WAC: variants seen among roughly 807,000 people sequenced by gnomAD.
WAC encodes the protein WW domain-containing adapter protein with coiled-coil.
Under a neutral mutation model 79.6 loss-of-function variants are expected in WAC, and 11 were observed. The observed-to-expected ratio is 0.14, with a 90% CI of 0.09 to 0.23. The LOEUF (loss-of-function observed/expected upper bound fraction) is 0.23. Ranked by LOEUF, WAC falls within the 10% of genes least tolerant of loss-of-function variation. The pLI, the probability that WAC is intolerant of heterozygous loss-of-function variation, is 1.00. For missense variants in WAC, 728 were observed against 773.5 expected, an observed-to-expected ratio of 0.94 and a Z score of 0.70; for synonymous variants, 304 against 276.9, an observed-to-expected ratio of 1.10 and a Z score of -0.97.
At chr10:28,551,901 T>A (rs989269757) in intron 3 of WAC, among the ~76,000 whole-genome samples, 10 of 148,132 alleles carry the variant, frequency 6.8e-5, no homozygotes, top group Non-Finnish European at 1.2e-4. Flanking sequence ...CTCGGCTCAC[T>A]GCAACCTTTG....
At chr10:28,551,562 A>G (rs1304320379) in intron 3 of WAC, among the ~76,000 whole-genome samples, 3 of 152,130 alleles carry the variant, frequency 2.0e-5, no homozygotes, top group African/African-American at 7.2e-5. Flanking sequence ...CTTCAGTCCT[A>G]TCTTATTTTT....
At chr10:28,535,536 T>C (rs770000083) in intron 2 of WAC, 26 bp from the exon 3 acceptor site, 3 of 1,530,210 alleles carry the variant, frequency 2.0e-6, no homozygotes, top group African/African-American at 1.4e-5. Context: ...CTTTCTCTCT[T>C]TTTTTGGGGG....
rs918255446 is a variant in WAC at position 28,563,725 on chromosome 10, G to T, written c.275-19674G>T. Among the ~76,000 whole-genome samples the T allele has an allele frequency of 8.0e-5, 11 of 137,290 alleles. No individual in the cohort carries two copies. In the Admixed American group the frequency reaches 8.6e-4, roughly 11 times the overall value. 90.1% of individuals were successfully genotyped at this position (137,290 alleles called of 152,430 possible). On this transcript the variant is annotated intron_variant, in intron 3 of 13. Coordinates refer to ENST00000354911, the MANE Select transcript of WAC (RefSeq NM_016628.5). ...CTCCTGAGTAGCTGGGACTACAAGTGCATGCTGCCTACACCCAGCTTTTTT... is the reference window on the plus strand; with the variant it reads ...CTCCTGAGTAGCTGGGACTACAAGTTCATGCTGCCTACACCCAGCTTTTTT...
At chr10:28,605,641 GTTAATGATGATGTGTATTTTTT>G (rs978583629) in intron 7 of WAC, among the ~76,000 whole-genome samples, 2 of 152,090 alleles carry the variant, frequency 1.3e-5, no homozygotes, top group Non-Finnish European at 2.9e-5. Context: ...GTTATTTTTT[GTTAATGATGATGTGTATTTTTT>G]TTATTTTGGA....
intron 3 of WAC, among the ~76,000 whole-genome samples, chr10:28,550,678 A>G (rs1391813233): frequency 6.6e-6 from 1 of 152,230 alleles, no homozygotes; most frequent in African/African-American, 2.4e-5. Context: ...AGTGCATTTA[A>G]GAGTAAAATC....
At chr10:28,537,925 C>A (rs1216661222) in intron 3 of WAC, among the ~76,000 whole-genome samples, 2 of 152,118 alleles carry the variant, frequency 1.3e-5, no homozygotes, top group Non-Finnish European at 2.9e-5. Flanking sequence ...CTAAGTTAGG[C>A]CCCACTTTCC....
At chr10:28,575,545 T>C (rs143271400) in intron 3 of WAC, among the ~76,000 whole-genome samples, 4 of 152,378 alleles carry the variant, frequency 2.6e-5, no homozygotes, top group African/African-American at 7.2e-5. Flanking sequence ...TGAAGTGTTA[T>C]TTCCCTGCAG....
chr10:28,590,452 C>T (rs1352796429), intron 5 of WAC, among the ~76,000 whole-genome samples: 6 of 152,046 alleles, frequency 3.9e-5, no homozygotes, highest in Admixed American at 6.5e-5. Flanking sequence ...TTAATAAGGC[C>T]GTAATGTTTC....
intron 3 of WAC, among the ~76,000 whole-genome samples, chr10:28,550,909 A>C (rs1837631360): frequency 6.6e-6 from 1 of 152,240 alleles, no homozygotes; most frequent in Non-Finnish European, 1.5e-5. Context: ...CCGTTGCATT[A>C]GTATAATCCT....
At chr10:28,614,871 T>C (rs1841408574) in intron 11 of WAC, 186 bp downstream of exon 11, 1 of 430,410 alleles carries the variant, frequency 2.3e-6, no homozygotes, top group African/African-American at 2.0e-5. Context: ...TTGTCTCTAG[T>C]AGTGAAGCCC....
At chr10:28,549,013 C>T (rs1017437572) in intron 3 of WAC, among the ~76,000 whole-genome samples, 5 of 152,184 alleles carry the variant, frequency 3.3e-5, no homozygotes, top group Non-Finnish European at 7.3e-5. Context: ...ATCCTCTTGC[C>T]ACAACCTCCC....
chr10:28,604,149 T>C (rs1202275881), intron 7 of WAC, among the ~76,000 whole-genome samples: 16 of 151,402 alleles, frequency 1.1e-4, no homozygotes, highest in African/African-American at 3.6e-4. Context: ...CTTAGCTTTA[T>C]GAATATAGCA....
intron 3 of WAC, among the ~76,000 whole-genome samples, chr10:28,569,971 C>T (rs149198342): frequency 0.012 from 1,841 of 152,228 alleles, 39 homozygotes; most frequent in African/African-American, 0.042. Context: ...CAAAAATGCA[C>T]CTCTGGTTGT....
intron 2 of WAC, among the ~76,000 whole-genome samples, chr10:28,535,061 G>A (rs1836561617): frequency 6.6e-6 from 1 of 151,280 alleles, no homozygotes; most frequent in South Asian, 2.1e-4. Flanking sequence ...GGAGAGTAAG[G>A]AAGTTAGGTC....
chr10:28,616,750 C>A (rs1409110724), intron 12 of WAC, among the ~76,000 whole-genome samples: 1 of 152,208 alleles, frequency 6.6e-6, no homozygotes, highest in Non-Finnish European at 1.5e-5. Context: ...TTTTTCCACT[C>A]AGCTTCTCTG....
chr10:28,536,245 TA>T (rs5784067), intron 3 of WAC, among the ~76,000 whole-genome samples: 115,937 of 142,514 alleles, frequency 0.81, 46,924 homozygotes, highest in East Asian at 0.93. Flanking sequence ...GAGACTCCAT[TA>T]AAAAAAAAAA....
chr10:28,575,826 C>T lies in WAC; in HGVS notation c.275-7573C>T, dbSNP rs117126420. On this transcript the variant is annotated intron_variant, in intron 3 of 13. Transcript: ENST00000354911. The stretch of plus-strand genomic sequence containing the variant: ...AGTTTCATTCTTTTGCACGTGCCGC[C>T]TCCCATTTTAAAACTCTCCTGTCGC... Among the ~76,000 whole-genome samples, 50 of 152,292 alleles carry T rather than the reference C, an allele frequency of 3.3e-4. No homozygotes were observed. In the East Asian group the frequency reaches 9.1e-3, roughly 28 times the overall value.
chr10:28,590,969 T>C, intron 6 of WAC, 137 bp downstream of exon 6: 2 of 766,976 alleles, frequency 2.6e-6, no homozygotes, highest in Non-Finnish European at 4.3e-6. Flanking sequence ...GTTGGATTTA[T>C]TATACCCTCC....
chr10:28,577,489 T>C (rs1243322745), intron 3 of WAC, among the ~76,000 whole-genome samples: 1 of 152,214 alleles, frequency 6.6e-6, no homozygotes, highest in African/African-American at 2.4e-5. Flanking sequence ...TTTTGCAGAA[T>C]TCAGTCTTTT....
Sources: allele counts gnomAD v4.1 joint callset (sites outside exome capture counted in the v4.1 genomes callset), GRCh38; gene constraint gnomAD v4.1.1; transcripts MANE v1.5; gene names NCBI Gene and HGNC (gene_info 2026-07-23, HGNC 2026-07-21).